SUPT20H: variants seen among roughly 807,000 people sequenced by gnomAD.
SUPT20H encodes SPT20 homolog, SAGA complex component.
A neutral mutation model predicts 122.8 loss-of-function variants in SUPT20H; 82 were observed. That is an observed-to-expected ratio of 0.67 (90% CI 0.56 to 0.80). The LOEUF (loss-of-function observed/expected upper bound fraction) is 0.80. Among genes scored for constraint, SUPT20H ranks in the 30% least tolerant of loss-of-function variants. The probability of loss-of-function intolerance (pLI) is 0.00; values close to 1 mark genes in which losing one functional copy is unlikely to be tolerated. For synonymous variants in SUPT20H, 291 were observed against 313.0 expected (o/e 0.93, Z 0.74); for missense variants, 831 against 921.6 (o/e 0.90, Z 1.27).
At chr13:37,017,789 T>C (rs1052925842) in intron 22 of SUPT20H, among the ~76,000 whole-genome samples, 1 of 152,180 alleles carries the variant, frequency 6.6e-6, no homozygotes, top group Non-Finnish European at 1.5e-5. Context: ...AACACAAATA[T>C]TATACAAGAT....
chr13:37,029,103 A>C (rs2062830150), intron 13 of SUPT20H, among the ~76,000 whole-genome samples: 1 of 152,118 alleles, frequency 6.6e-6, no homozygotes, highest in Admixed American at 6.6e-5. Context: ...AGACGTTATT[A>C]TTGCAATTAG....
intron 2 of SUPT20H, among the ~76,000 whole-genome samples, chr13:37,049,641 A>C (rs1282993939): frequency 1.3e-5 from 2 of 152,180 alleles, no homozygotes; most frequent in Non-Finnish European, 2.9e-5. Flanking sequence ...CAGGAGGCTG[A>C]GGAAGGAGAA....
chr13:37,022,422 T>A lies in SUPT20H; in HGVS notation c.1592-342A>T, dbSNP rs2061568908. ...TTAGCACTGACAATTTGTTCTAGTT[T>A]TTTTTTTTTTAGCAGTTAACTGCAA... On this transcript the variant is annotated intron_variant, in intron 19 of 25. Coordinates refer to ENST00000350612, the MANE Select transcript of SUPT20H (RefSeq NM_001014286.3). This position sits in a 1 kb window ranked among gnomAD's most constrained non-coding sequence, Gnocchi z 4.5. 7.7e-7 allele frequency: 1 copy of A among 1,291,810 alleles called. No individual in the cohort carries two copies. The highest frequency in any genetic ancestry group is 9.8e-7 in the Non-Finnish European group (1 of 1,020,554). 80.0% of individuals were successfully genotyped at this position (1,291,810 alleles called of 1,614,324 possible).
At position 37,029,833 on chromosome 13, in the gene SUPT20H, C is replaced by T; in HGVS notation, c.925G>A (p.Glu309Lys). ...GACTTTTCCACTTTAGCATATTTCT[C>T]CACCTAAACAATCAAATCAAGAAAT... ...NLAIPSEVDV[E>K]KYAKVEKSIK... is the part of the protein sequence containing the mutation. The change falls in exon 13 of 26, where the codon GAG (glutamate) becomes AAG (lysine). Residue 309 changes from glutamate to lysine, a missense_variant. Physicochemically the swap from Glu to Lys is moderately conservative, Grantham distance 56. Transcript: ENST00000350612. 1 of 1,590,614 alleles carries T rather than the reference C, an allele frequency of 6.3e-7. No homozygotes were observed. The highest frequency in any genetic ancestry group is 1.2e-5 in the South Asian group (1 of 86,892).
At position 37,009,599 on chromosome 13, in the gene SUPT20H, A is replaced by G. The variant is rs1327410192; in HGVS notation, c.*73T>C. On this transcript the variant is annotated 3_prime_UTR_variant, in exon 26 of 26. Transcript: ENST00000350612. ...AAATACTGACACATTAAAAAAAACA[A>G]AAAGTAGAAACTCAATTCTTTTGAT... 6.3e-7 allele frequency: 1 copy of G among 1,585,152 alleles called. No individual in the cohort carries two copies. Among genetic ancestry groups the G allele is most frequent in the Non-Finnish European group, 8.7e-7 (1 of 1,155,020 alleles).
intron 9 of SUPT20H, 34 bp downstream of exon 9, chr13:37,040,371 T>C (rs1179545638): frequency 2.0e-6 from 3 of 1,533,858 alleles, no homozygotes; most frequent in Non-Finnish European, 2.6e-6. Context: ...TCCTATATTT[T>C]GCCTGTTTGA....
chr13:37,017,094 A>G, intron 23 of SUPT20H, 151 bp downstream of exon 23: 1 of 1,028,814 alleles, frequency 9.7e-7, no homozygotes, highest in Non-Finnish European at 1.5e-6. Context: ...TTTTATTAGG[A>G]ATACACACCC....
intron 1 of SUPT20H, among the ~76,000 whole-genome samples, chr13:37,054,669 G>A (rs2068541571): frequency 6.6e-6 from 1 of 152,130 alleles, no homozygotes; most frequent in African/African-American, 2.4e-5. Context: ...CATACTGAAT[G>A]GGCAAAAACT....
chr13:37,016,420 ACT>A (rs1443026393), intron 23 of SUPT20H, among the ~76,000 whole-genome samples: 1 of 125,768 alleles, frequency 8.0e-6, no homozygotes. Context: ...ACAGCGCGAG[ACT>A]CTGTCTCAAA....
intron 21 of SUPT20H, 53 bp downstream of exon 21, chr13:37,021,395 C>A: frequency 6.7e-7 from 1 of 1,485,460 alleles, no homozygotes; most frequent in Non-Finnish European, 9.0e-7. Context: ...TACATTTTTA[C>A]TTTAGCATAT....
intron 17 of SUPT20H, 173 bp from the exon 18 acceptor site, chr13:37,024,615 T>G (rs779012546): frequency 3.0e-5 from 12 of 398,898 alleles, no homozygotes; most frequent in Non-Finnish European, 4.8e-5. Flanking sequence ...CTATATGTAT[T>G]ACAGAGAAAA....
At chr13:37,013,144 C>A (rs540364272) in intron 23 of SUPT20H, 1 of 151,630 alleles carries the variant, frequency 6.6e-6, no homozygotes, top group East Asian at 1.9e-4. Context: ...AGGTAGAGAA[C>A]CTACATTAGC....
At chr13:37,034,116 C>T (rs762994799) in intron 9 of SUPT20H, among the ~76,000 whole-genome samples, 2 of 152,152 alleles carry the variant, frequency 1.3e-5, no homozygotes, top group Non-Finnish European at 2.9e-5. Flanking sequence ...CTTCTAGAAA[C>T]ATTATAATAT....
intron 1 of SUPT20H, among the ~76,000 whole-genome samples, chr13:37,053,740 A>C (rs2068275527): frequency 6.6e-6 from 1 of 152,166 alleles, no homozygotes. Context: ...AAAAAACAAA[A>C]ACAAAAACAA....
chr13:37,043,520 CAATTGATGAGCT>C (rs2065870372), intron 7 of SUPT20H, among the ~76,000 whole-genome samples: 1 of 152,086 alleles, frequency 6.6e-6, no homozygotes, highest in Admixed American at 6.6e-5. Flanking sequence ...GGGAGATTTC[CAATTGATGAGCT>C]AATTGTTCTA....
Position 37,040,596 on chromosome 13 carries a change from G to T in SUPT20H, c.493C>A (p.Leu165Ile), listed in dbSNP as rs957228493. 3.7e-6 allele frequency: 6 copies of T among 1,613,966 alleles called. No individual in the cohort carries two copies. The highest frequency in any genetic ancestry group is 4.2e-6 in the Non-Finnish European group (5 of 1,179,988). Residue 165 changes from leucine (L) to isoleucine (I), a missense_variant, in exon 8 of 26, where the codon CTC (leucine) becomes ATC (isoleucine). Transcript: ENST00000350612. ...CTTACCTGCATTGTTGGACGTAAGAGAATGTGCCGACTTTGGTAACCAGGA... is the reference window on the plus strand; with the variant it reads ...CTTACCTGCATTGTTGGACGTAAGATAATGTGCCGACTTTGGTAACCAGGA... ...KSPGYQSRHI[L>I]LRPTMQTLIC...
chr13:37,020,851 T>G (rs1171637394), intron 21 of SUPT20H, among the ~76,000 whole-genome samples: 1 of 152,216 alleles, frequency 6.6e-6, no homozygotes, highest in Non-Finnish European at 1.5e-5. Context: ...ACTGTTTTCC[T>G]GTATAGGTAA....
At position 37,033,581 on chromosome 13, in the gene SUPT20H, T is replaced by A. The variant is rs760483820; in HGVS notation, c.575A>T (p.Lys192Ile). Residue 192 changes from lysine (K) to isoleucine (I), a missense_variant, in exon 10 of 26, where the codon AAA becomes ATA. By Grantham distance (102) the Lys-to-Ile change is moderately radical. Transcript: ENST00000350612. ...SDNHKWTQEDKLLLESQLILA... is the reference protein window; with the variant it reads ...SDNHKWTQEDILLLESQLILA... ...GATGAGCTGGCTCTCAAGCAAAAGTTTGTCTTCCTGAAATGTGTAAGAGCA... is the reference window on the plus strand; with the variant it reads ...GATGAGCTGGCTCTCAAGCAAAAGTATGTCTTCCTGAAATGTGTAAGAGCA... 8.1e-6 allele frequency: 13 copies of A among 1,613,068 alleles called. No individual in the cohort carries two copies. The highest frequency in any genetic ancestry group is 1.1e-5 in the Non-Finnish European group (13 of 1,179,526).
intron 18 of SUPT20H, 53 bp downstream of exon 18, chr13:37,024,287 T>C (rs987174576): frequency 2.0e-6 from 3 of 1,523,368 alleles, no homozygotes; most frequent in Non-Finnish European, 2.6e-6. Context: ...AAAGAGATTA[T>C]GATTATATAA....
Sources: gnomAD v4.1 joint callset for allele counts (sites outside exome capture counted in the v4.1 genomes callset) on GRCh38, gnomAD v4.1.1 for gene constraint, Gnocchi (gnomAD v3.1) non-coding constraint, MANE v1.5 for transcripts, NCBI Gene and HGNC (gene_info 2026-07-23, HGNC 2026-07-21) for gene names.